Variants in CNTNAP2 observed in about 807,000 individuals in gnomAD.
CNTNAP2 encodes contactin associated protein 2.
A neutral mutation model predicts 155.2 loss-of-function variants in CNTNAP2; 98 were observed. That is an observed-to-expected ratio of 0.63 (90% CI 0.54 to 0.75). The LOEUF (loss-of-function observed/expected upper bound fraction) is 0.75, where lower values mean the gene tolerates loss of function less well. Ranked by LOEUF, CNTNAP2 falls within the 30% of genes least tolerant of loss-of-function variation. The pLI is 0.00. For missense variants in CNTNAP2, 1,727 were observed against 1,688.1 expected, an observed-to-expected ratio of 1.02 and a Z score of -0.40; for synonymous variants, 651 against 631.2, an observed-to-expected ratio of 1.03 and a Z score of -0.47.
At chr7:147,500,016 T>C (rs1456898750) in intron 11 of CNTNAP2, among the ~76,000 whole-genome samples, 2 of 152,270 alleles carry the variant, frequency 1.3e-5, no homozygotes, top group South Asian at 4.1e-4. Context: ...TTTAAATATA[T>C]ACTTAAGGTC....
At chr7:146,683,584 C>T (rs1585041237) in intron 1 of CNTNAP2, among the ~76,000 whole-genome samples, 1 of 152,152 alleles carries the variant, frequency 6.6e-6, no homozygotes, top group East Asian at 1.9e-4. Flanking sequence ...TTCCTTTAAA[C>T]AGGCTGAAAC....
intron 14 of CNTNAP2, among the ~76,000 whole-genome samples, chr7:147,938,084 C>T (rs1456928255): frequency 6.6e-6 from 1 of 152,152 alleles, no homozygotes; most frequent in Non-Finnish European, 1.5e-5. Flanking sequence ...AAATTGGCAG[C>T]TAGATTTTGA....
intron 12 of CNTNAP2, among the ~76,000 whole-genome samples, chr7:147,574,557 A>C: frequency 6.6e-6 from 1 of 152,084 alleles, no homozygotes; most frequent in Non-Finnish European, 1.5e-5. Flanking sequence ...TTCCCGTTTT[A>C]GGACTCTCTC....
intron 8 of CNTNAP2, among the ~76,000 whole-genome samples, chr7:147,176,821 AATTATAATATATAATTATAT>A (rs1005254309): frequency 8.7e-5 from 11 of 126,818 alleles, no homozygotes; most frequent in Admixed American, 1.8e-4. Flanking sequence ...GATATAGAAT[AATTATAATATATAATTATAT>A]ATTATAATAT....
At chr7:146,767,255 A>G (rs570120698) in intron 1 of CNTNAP2, among the ~76,000 whole-genome samples, 2 of 152,324 alleles carry the variant, frequency 1.3e-5, no homozygotes, top group East Asian at 3.9e-4. Context: ...TGCTTCTGCC[A>G]TGCAGAGCCT....
At chr7:147,239,524 A>C (rs1456927045) in intron 8 of CNTNAP2, among the ~76,000 whole-genome samples, 1 of 151,926 alleles carries the variant, frequency 6.6e-6, no homozygotes, top group Non-Finnish European at 1.5e-5. Context: ...AAAAAAAAAA[A>C]AAAGGACACT....
intron 8 of CNTNAP2, among the ~76,000 whole-genome samples, chr7:147,206,318 A>ACTT (rs879602537): frequency 6.6e-6 from 1 of 150,920 alleles, no homozygotes; most frequent in Non-Finnish European, 1.5e-5. Context: ...TAATCCCAGC[A>ACTT]CTTTGGGAGG....
At chr7:146,507,063 G>A (rs1214865551) in intron 1 of CNTNAP2, among the ~76,000 whole-genome samples, 2 of 152,122 alleles carry the variant, frequency 1.3e-5, no homozygotes, top group East Asian at 3.9e-4. Context: ...CTAAGTAGGA[G>A]CCCCACTTTG....
rs112673086 is a variant in CNTNAP2, at chr7:147,583,680, T to C, written c.1897+21423T>C. Among the ~76,000 whole-genome samples the C allele has an allele frequency of 9.2e-5, 14 of 152,068 alleles. 1 individual carries two copies. Among genetic ancestry groups the C allele is most frequent in the African/African-American group, 3.4e-4 (14 of 41,506 alleles). On this transcript the variant is annotated intron_variant, in intron 12 of 23. Transcript: ENST00000361727. ...TTGTATTCCTCACATGTCCACATTG[T>C]GGGGACACCAAAGTACTCACAGCAT...
chr7:147,079,299 C>G (rs891603333), intron 4 of CNTNAP2, among the ~76,000 whole-genome samples: 2 of 152,014 alleles, frequency 1.3e-5, no homozygotes, highest in African/African-American at 4.8e-5. Context: ...AGCCAGGAAC[C>G]CAGAGCTTCT....
rs1279688720 is a variant in CNTNAP2, at chr7:147,510,869, A to ATATATATATATATATATG, written c.1777+24830_1777+24831insTATATATATATATATGTA. Among the ~76,000 whole-genome samples the ATATATATATATATATATG allele has an allele frequency of 1.5e-3, 220 of 143,630 alleles. 5 individuals carry two copies. Among genetic ancestry groups the ATATATATATATATATATG allele is most frequent in the African/African-American group, 5.5e-3 (209 of 37,910 alleles). The allele number at this position is 143,630 out of a possible 152,430, so 94.2% of individuals were successfully genotyped here. ...TACAACCATATATATATATATATAT[A>ATATATATATATATATATG]TAATGCTTCCTCATATATATATACA... On this transcript the variant is annotated intron_variant, in intron 11 of 23. Coordinates refer to ENST00000361727, the MANE Select transcript of CNTNAP2 (RefSeq NM_014141.6).
chr7:147,174,043 C>T (rs545352719), intron 8 of CNTNAP2, among the ~76,000 whole-genome samples: 2 of 152,186 alleles, frequency 1.3e-5, no homozygotes, highest in South Asian at 4.1e-4. Flanking sequence ...CTATATTCCT[C>T]CCTCTGAATC....
intron 1 of CNTNAP2, among the ~76,000 whole-genome samples, chr7:146,646,180 G>A (rs73470666): frequency 0.046 from 6,978 of 152,214 alleles, 537 homozygotes; most frequent in African/African-American, 0.16. Flanking sequence ...CTGGCAAAAT[G>A]AAGCTTAGAA....
chr7:148,296,568 A>T (rs1797290887), intron 21 of CNTNAP2, among the ~76,000 whole-genome samples: 1 of 146,986 alleles, frequency 6.8e-6, no homozygotes, highest in African/African-American at 2.5e-5. Context: ...AAAAAAAAAA[A>T]TTATCCCGTG....
At chr7:147,541,914 A>T (rs1799647357) in intron 11 of CNTNAP2, among the ~76,000 whole-genome samples, 1 of 152,146 alleles carries the variant, frequency 6.6e-6, no homozygotes, top group Non-Finnish European at 1.5e-5. Context: ...TGCAAGCAGG[A>T]TATACAGTTT....
chr7:146,633,059 TC>T (rs1395869938), intron 1 of CNTNAP2, among the ~76,000 whole-genome samples: 2 of 152,190 alleles, frequency 1.3e-5, no homozygotes, highest in African/African-American at 4.8e-5. Flanking sequence ...TCTACTTTTT[TC>T]TTTGTCCCTT....
intron 2 of CNTNAP2, among the ~76,000 whole-genome samples, chr7:146,815,520 A>T (rs1046932019): frequency 6.6e-6 from 1 of 152,158 alleles, no homozygotes. Context: ...ACATGAATAC[A>T]TGTGAATATA....
intron 4 of CNTNAP2, among the ~76,000 whole-genome samples, chr7:147,095,852 G>C (rs1183050943): frequency 6.6e-6 from 1 of 152,096 alleles, no homozygotes; most frequent in Admixed American, 6.6e-5. Flanking sequence ...AAATGTGGAG[G>C]TTCTTGTTCC....
At chr7:147,327,354 T>A (rs1795479441) in intron 9 of CNTNAP2, among the ~76,000 whole-genome samples, 2 of 152,172 alleles carry the variant, frequency 1.3e-5, no homozygotes, top group Admixed American at 6.5e-5. Context: ...GGAATCTAGG[T>A]GTGTCTGACT....
Sources: gnomAD v4.1 joint callset for allele counts (sites outside exome capture counted in the v4.1 genomes callset) on GRCh38, gnomAD v4.1.1 for gene constraint, MANE v1.5 for transcripts, NCBI Gene and HGNC (gene_info 2026-07-23, HGNC 2026-07-21) for gene names.